Variants in TMED3 observed in about 807,000 individuals in gnomAD.
TMED3 encodes transmembrane p24 trafficking protein 3.
In TMED3, 9 loss-of-function variants were observed where a neutral mutation model predicts 15.0. That is an observed-to-expected ratio of 0.60 (90% CI 0.36 to 1.04). TMED3 has a LOEUF of 1.04. Ranked by LOEUF, TMED3 falls within the 50% of genes least tolerant of loss-of-function variation. The pLI is 0.01. For synonymous variants in TMED3, 117 were observed against 121.4 expected (o/e 0.96, Z 0.24); for missense variants, 267 against 278.9 (o/e 0.96, Z 0.30).
Position 79,322,779 on chromosome 15 carries a change from T to C in TMED3, c.*565T>C. 1 of 985,396 alleles carries C rather than the reference T, an allele frequency of 1.0e-6. No individual in the cohort carries two copies. The allele number at this position is 985,396 out of a possible 1,614,324, so 61.0% of individuals were successfully genotyped here. On this transcript the variant is annotated 3_prime_UTR_variant, in exon 3 of 3. Transcript: ENST00000299705. The stretch of plus-strand genomic sequence containing the variant: ...GACTGGGTGCCCTTGGTGAGCTGTG[T>C]ATTTCCTAGGAGGTAGAAAACTGTG...
At chr15:79,341,939 A>G (rs2058853246) in intron 2 of TMED3, among the ~76,000 whole-genome samples, 1 of 152,228 alleles carries the variant, frequency 6.6e-6, no homozygotes, top group South Asian at 2.1e-4. Flanking sequence ...ATGAAGAAGT[A>G]TACGACCCAG....
In TMED3 at chr15:79,341,250, G is replaced by T. The variant is rs1274028252; in HGVS notation, c.417+27245G>T. Among the ~76,000 whole-genome samples, 16 of 130,514 alleles carry T rather than the reference G, an allele frequency of 1.2e-4. 1 individual carries two copies. The highest frequency in any genetic ancestry group is 3.3e-5 in the Non-Finnish European group (2 of 60,996). 85.6% of individuals were successfully genotyped at this position (130,514 alleles called of 152,430 possible). ...GAAAGAAAGCCAGCAGGGGAAGAAAGACAGCAGATGATGGAAGGAAGCATG... is the reference window on the plus strand; with the variant it reads ...GAAAGAAAGCCAGCAGGGGAAGAAATACAGCAGATGATGGAAGGAAGCATG... On this transcript the variant is annotated intron_variant, in intron 2 of 2. Coordinates refer to the TMED3 transcript ENST00000424155.
chr15:79,401,983 G>A (rs1031340893), intron 2 of TMED3, among the ~76,000 whole-genome samples: 2 of 152,158 alleles, frequency 1.3e-5, no homozygotes, highest in African/African-American at 4.8e-5. Flanking sequence ...GGCGAGGGCA[G>A]GGAAAGGAGG....
At chr15:79,404,893 G>C (rs1311953322) in intron 2 of TMED3, among the ~76,000 whole-genome samples, 1 of 152,176 alleles carries the variant, frequency 6.6e-6, no homozygotes, top group Admixed American at 6.5e-5. Context: ...CATCTATGAA[G>C]TAAGCCTCAG....
chr15:79,322,441 A>C lies in TMED3; in HGVS notation c.*227A>C. ...CTGCATTAAGTGTGCAGCGCTGAAA[A>C]GACATTTACAACTAGGCCAGGGATT... On this transcript the variant is annotated 3_prime_UTR_variant, in exon 3 of 3. Coordinates refer to ENST00000299705, the MANE Select transcript of TMED3 (RefSeq NM_007364.4). 1 of 1,369,736 alleles carries C rather than the reference A, an allele frequency of 7.3e-7. No homozygotes were observed. Among genetic ancestry groups the C allele is most frequent in the Non-Finnish European group, 9.4e-7 (1 of 1,063,708 alleles). 84.8% of individuals were successfully genotyped at this position (1,369,736 alleles called of 1,614,324 possible). A position where few individuals can be genotyped will look rare whatever the true frequency, so the allele number is the denominator to read the frequency against.
At chr15:79,380,525 TTA>T (rs1314229350) in intron 2 of TMED3, among the ~76,000 whole-genome samples, 1 of 147,218 alleles carries the variant, frequency 6.8e-6, no homozygotes, top group Non-Finnish European at 1.5e-5. Flanking sequence ...TTATATATAG[TTA>T]TATATATGTA....
chr15:79,347,166 A>G (rs564359883), intron 2 of TMED3, among the ~76,000 whole-genome samples: 14 of 152,286 alleles, frequency 9.2e-5, no homozygotes, highest in African/African-American at 3.1e-4. Flanking sequence ...CAGCACATCA[A>G]AAAGCTTACC....
chr15:79,362,392 G>A (rs1366753250), intron 2 of TMED3, among the ~76,000 whole-genome samples: 5 of 151,920 alleles, frequency 3.3e-5, no homozygotes. Flanking sequence ...AGGCTGAGGT[G>A]GTAGGATTTC....
In TMED3 at chr15:79,340,590, G is replaced by A. The variant is rs571648815; in HGVS notation, c.417+26585G>A. Among the ~76,000 whole-genome samples the A allele has an allele frequency of 2.0e-3, 309 of 152,286 alleles. 1 individual carries two copies. Among genetic ancestry groups the A allele is most frequent in the African/African-American group, 6.6e-3 (274 of 41,550 alleles). On this transcript the variant is annotated intron_variant, in intron 2 of 2. Coordinates refer to the TMED3 transcript ENST00000424155. ...GCAAAAGATCACTAATACACCTGGC[G>A]TGTAGTCAACAGTTAATGAATGTTA...
At chr15:79,314,631 C>T (rs2058732852) in intron 2 of TMED3, 4 of 443,838 alleles carry the variant, frequency 9.0e-6, no homozygotes, top group South Asian at 1.6e-5. Context: ...AGTGGGAATA[C>T]GTATCACCTG....
chr15:79,386,365 C>T (rs925948111), intron 2 of TMED3, among the ~76,000 whole-genome samples: 2 of 152,094 alleles, frequency 1.3e-5, no homozygotes, highest in Non-Finnish European at 2.9e-5. Flanking sequence ...AGAGCACTCT[C>T]CTCATCTCTA....
chr15:79,365,720 C>T (rs531981749), intron 2 of TMED3, among the ~76,000 whole-genome samples: 3 of 152,362 alleles, frequency 2.0e-5, no homozygotes, highest in Admixed American at 6.5e-5. Context: ...TTATCTGTAG[C>T]TCTCTGCTTA....
intron 2 of TMED3, among the ~76,000 whole-genome samples, chr15:79,380,249 G>C (rs1342500217): frequency 6.6e-6 from 1 of 151,852 alleles, no homozygotes; most frequent in Non-Finnish European, 1.5e-5. Flanking sequence ...TACTCGGGAG[G>C]CTGAGGCAGG....
intron 2 of TMED3, among the ~76,000 whole-genome samples, chr15:79,317,613 T>TGG (rs1448932926): frequency 2.6e-5 from 4 of 151,744 alleles, no homozygotes; most frequent in Admixed American, 6.6e-5. Context: ...AATACATATG[T>TGG]GTGTGTGCCA....
At chr15:79,382,832 T>A in intron 2 of TMED3, 2 of 771,262 alleles carry the variant, frequency 2.6e-6, no homozygotes, top group Non-Finnish European at 4.2e-6. Context: ...TTTTCAGATA[T>A]AGGTGCAGGG....
intron 2 of TMED3, among the ~76,000 whole-genome samples, chr15:79,404,933 G>A (rs571154841): frequency 7.2e-5 from 11 of 152,292 alleles, no homozygotes; most frequent in Admixed American, 7.2e-4. Flanking sequence ...TAATCATAGG[G>A]ACCCCTCTGT....
chr15:79,354,250 G>T (rs1288234515), intron 2 of TMED3, among the ~76,000 whole-genome samples: 1 of 152,124 alleles, frequency 6.6e-6, no homozygotes, highest in Admixed American at 6.6e-5. Context: ...GCTGTTCTCT[G>T]TGGGGTGAGG....
chr15:79,350,894 C>T (rs1194837713), intron 2 of TMED3, among the ~76,000 whole-genome samples: 1 of 152,188 alleles, frequency 6.6e-6, no homozygotes, highest in Non-Finnish European at 1.5e-5. Flanking sequence ...GCCACCACCT[C>T]TCACCAGAAA....
chr15:79,364,029 G>T (rs532614308), intron 2 of TMED3, among the ~76,000 whole-genome samples: 11 of 152,298 alleles, frequency 7.2e-5, no homozygotes, highest in Non-Finnish European at 1.5e-4. Context: ...CCAGGTTCTT[G>T]TCTCACAACC....
Sources: allele counts gnomAD v4.1 joint callset (sites outside exome capture counted in the v4.1 genomes callset), GRCh38; gene constraint gnomAD v4.1.1; transcripts MANE v1.5; gene names NCBI Gene and HGNC (gene_info 2026-07-23, HGNC 2026-07-21).